Variants in IDNK observed in about 807,000 individuals in gnomAD.
IDNK encodes gluconokinase.
A neutral mutation model predicts 13.0 loss-of-function variants in IDNK; 9 were observed. That is an observed-to-expected ratio of 0.69 (90% CI 0.42 to 1.21). IDNK has a LOEUF of 1.21. IDNK is among the 50% of genes most tolerant of loss of function. IDNK has a pLI of 0.00. For synonymous variants in IDNK, 92 were observed against 94.9 expected (o/e 0.97, Z 0.18); for missense variants, 210 against 237.8 (o/e 0.88, Z 0.77).
At chr9:83,627,330 T>C (rs182787224) in intron 1 of IDNK, among the ~76,000 whole-genome samples, 107 of 152,338 alleles carry the variant, frequency 7.0e-4, no homozygotes, top group African/African-American at 2.4e-3. Flanking sequence ...TGTACTAGAC[T>C]GTTTAGGAAG....
intron 4 of IDNK, 34 bp from the exon 5 acceptor site, chr9:83,643,395 A>T (rs765537565): frequency 6.6e-7 from 1 of 1,521,934 alleles, no homozygotes; most frequent in Non-Finnish European, 8.9e-7. Flanking sequence ...CTCCTTCTTT[A>T]GCCTCCCTCT....
At chr9:83,638,893 G>C (rs959632589) in intron 3 of IDNK, among the ~76,000 whole-genome samples, 22 of 152,184 alleles carry the variant, frequency 1.4e-4, no homozygotes, top group African/African-American at 5.3e-4. Flanking sequence ...CAAATAACTT[G>C]AAAAATTGAT....
chr9:83,628,803 G>A, intron 2 of IDNK, 70 bp from the exon 3 acceptor site: 1 of 1,091,784 alleles, frequency 9.2e-7, no homozygotes, highest in Non-Finnish European at 1.4e-6. Context: ...CTGCCTGTTA[G>A]TAATCCCACA....
In IDNK at chr9:83,624,522, G is replaced by T. The variant is rs149537644; in HGVS notation, c.50+1301G>T. On this transcript the variant is annotated intron_variant, in intron 1 of 4. Transcript: ENST00000376419. ...ATATGTAGTGTGTGAGTTGGTGATA[G>T]ATGCTCTGGAGTAAGGGGAACAAAG... Among the ~76,000 whole-genome samples, 44 of 152,234 alleles carry T rather than the reference G, an allele frequency of 2.9e-4. 1 individual carries two copies. The East Asian group carries it at 6.8e-3, about 23-fold the overall frequency.
chr9:83,626,747 C>A, intron 1 of IDNK: 1 of 1,221,776 alleles, frequency 8.2e-7, no homozygotes, highest in Non-Finnish European at 1.0e-6. Context: ...TTCTGCTATG[C>A]ACACTTCTGG....
intron 4 of IDNK, 126 bp from the exon 5 acceptor site, chr9:83,643,303 C>A: frequency 1.4e-6 from 1 of 707,350 alleles, no homozygotes; most frequent in Non-Finnish European, 2.3e-6. Context: ...GATGCTTAAA[C>A]ACCATTTTCT....
intron 3 of IDNK, among the ~76,000 whole-genome samples, chr9:83,640,963 C>A (rs970321819): frequency 6.6e-6 from 1 of 151,932 alleles, no homozygotes; most frequent in African/African-American, 2.4e-5. Flanking sequence ...TTTTGTTTTC[C>A]AATGCATTAT....
intron 1 of IDNK, among the ~76,000 whole-genome samples, chr9:83,625,067 G>T (rs959405969): frequency 2.0e-5 from 3 of 152,190 alleles, no homozygotes; most frequent in African/African-American, 7.2e-5. Flanking sequence ...CTGAGTGAGG[G>T]GAAGCATGAT....
At chr9:83,634,787 T>C (rs1831120110) in intron 3 of IDNK, among the ~76,000 whole-genome samples, 1 of 152,244 alleles carries the variant, frequency 6.6e-6, no homozygotes, top group African/African-American at 2.4e-5. Context: ...AATTCTGGTA[T>C]TTAAACAAAT....
intron 1 of IDNK, chr9:83,626,325 G>A (rs1830847580): frequency 4.3e-6 from 1 of 231,458 alleles, no homozygotes; most frequent in African/African-American, 2.4e-5. Context: ...TCTTCTTCCT[G>A]ACAGTCTACA....
intron 3 of IDNK, among the ~76,000 whole-genome samples, chr9:83,638,479 A>G (rs1178798970): frequency 1.3e-5 from 2 of 152,220 alleles, no homozygotes; most frequent in Non-Finnish European, 2.9e-5. Context: ...GGATAGCTAC[A>G]AGGAACCCAA....
intron 1 of IDNK, chr9:83,626,803 G>A: frequency 2.6e-6 from 3 of 1,149,974 alleles, no homozygotes; most frequent in Non-Finnish European, 3.3e-6. Flanking sequence ...CTCATCCGTA[G>A]GCTGCATGTC....
chr9:83,624,934 C>CA (rs945479553), intron 1 of IDNK, among the ~76,000 whole-genome samples: 1 of 152,106 alleles, frequency 6.6e-6, no homozygotes, highest in African/African-American at 2.4e-5. Flanking sequence ...AGGCTGGTCT[C>CA]AAACTCCTGA....
At chr9:83,638,614 C>G (rs1470385248) in intron 3 of IDNK, among the ~76,000 whole-genome samples, 2 of 152,108 alleles carry the variant, frequency 1.3e-5, no homozygotes, top group Admixed American at 1.3e-4. Flanking sequence ...CAAAGCCGCT[C>G]AAAGACAAAG....
At chr9:83,623,936 C>T (rs1314109939) in intron 1 of IDNK, among the ~76,000 whole-genome samples, 1 of 152,200 alleles carries the variant, frequency 6.6e-6, no homozygotes, top group Non-Finnish European at 1.5e-5. Context: ...CATTCGACCA[C>T]AGGCAGCAAA....
At chr9:83,627,507 C>CA (rs1271797425) in intron 1 of IDNK, among the ~76,000 whole-genome samples, 1 of 152,126 alleles carries the variant, frequency 6.6e-6, no homozygotes, top group African/African-American at 2.4e-5. Context: ...TGGGAGCACT[C>CA]AGTCATTTAG....
At chr9:83,626,519 C>T (rs1003093864) in intron 1 of IDNK, 14 of 420,270 alleles carry the variant, frequency 3.3e-5, no homozygotes, top group Admixed American at 7.6e-5. Flanking sequence ...TGAGTTCAAG[C>T]GATTGTCATG....
intron 1 of IDNK, among the ~76,000 whole-genome samples, chr9:83,625,004 C>G (rs957742512): frequency 6.6e-6 from 1 of 151,028 alleles, no homozygotes; most frequent in Non-Finnish European, 1.5e-5. Context: ...CGTGAGCCAC[C>G]GCGCCCAGCT....
At chr9:83,631,783 G>GA (rs1339883870) in intron 3 of IDNK, among the ~76,000 whole-genome samples, 2 of 152,026 alleles carry the variant, frequency 1.3e-5, no homozygotes, top group Non-Finnish European at 2.9e-5. Context: ...TGCCAGTCTA[G>GA]AAACATTCTA....
Sources: gnomAD v4.1 joint callset for allele counts (sites outside exome capture counted in the v4.1 genomes callset) on GRCh38, gnomAD v4.1.1 for gene constraint, MANE v1.5 for transcripts, NCBI Gene and HGNC (gene_info 2026-07-23, HGNC 2026-07-21) for gene names.